Variants in NHLRC2 observed in about 807,000 individuals in gnomAD.
NHLRC2 encodes NHL repeat-containing protein 2.
In NHLRC2, 33 loss-of-function variants were observed where a neutral mutation model predicts 68.1. The ratio of observed to expected loss-of-function variants is 0.48; its 90% CI spans 0.37 to 0.65. The LOEUF is 0.65. Ranked by LOEUF, NHLRC2 falls within the 30% of genes least tolerant of loss-of-function variation. NHLRC2 has a pLI of 0.00. For missense variants in NHLRC2, 761 were observed against 853.8 expected (o/e 0.89, Z 1.35); for synonymous variants, 311 against 309.6 (o/e 1.00, Z -0.05).
At position 113,865,288 on chromosome 10, in the gene NHLRC2, C is replaced by G. The variant is rs117477265; in HGVS notation, c.331+6608C>G. Among the ~76,000 whole-genome samples the G allele has an allele frequency of 1.5e-3, 209 of 141,626 alleles. 3 individuals carry two copies. The East Asian group carries it at 0.032, about 22-fold the overall frequency. 92.9% of individuals were successfully genotyped at this position (141,626 alleles called of 152,430 possible). The stretch of plus-strand genomic sequence containing the variant: ...TTTAAAAATCGCTTTTCATCCCCCC[C>G]CCCCGTTCCTCTCACCATATAATAG... On this transcript the variant is annotated intron_variant, in intron 2 of 10. Transcript: ENST00000369301.
chr10:113,884,239 G>T lies in NHLRC2; in HGVS notation c.910-12G>T. 1 of 1,602,134 alleles carries T rather than the reference G, an allele frequency of 6.2e-7. No individual in the cohort carries two copies. Among genetic ancestry groups the T allele is most frequent in the South Asian group, 1.1e-5 (1 of 89,692 alleles). ...CATTCATTGCATAAAACCATCCTTT[G>T]AATTTCTATAGATTGACCTAGAAGC... On this transcript the variant is annotated splice_polypyrimidine_tract_variant and intron_variant, in intron 4 of 10. Transcript: ENST00000369301.
chr10:113,875,923 T>C (rs1241302669), intron 2 of NHLRC2, among the ~76,000 whole-genome samples: 2 of 152,094 alleles, frequency 1.3e-5, no homozygotes, highest in Non-Finnish European at 2.9e-5. Flanking sequence ...TTTTTTTTTT[T>C]TTTTGGTACT....
At position 113,867,192 on chromosome 10, in the gene NHLRC2, C is replaced by T. The variant is rs147092274; in HGVS notation, c.331+8512C>T. ...GTTCTAGGAATGGTGAAAACCCTCC[C>T]GAAATCTAAGCTCCCAGAAGCCAGG... On this transcript the variant is annotated intron_variant, in intron 2 of 10. Transcript: ENST00000369301. 2.6e-5 allele frequency among the ~76,000 whole-genome samples: 4 copies of T among 152,284 alleles called. No individual in the cohort carries two copies. The East Asian group carries it at 5.8e-4, about 22-fold the overall frequency.
At chr10:113,896,092 G>A (rs1352852250) in intron 5 of NHLRC2, among the ~76,000 whole-genome samples, 2 of 152,076 alleles carry the variant, frequency 1.3e-5, no homozygotes, top group Non-Finnish European at 2.9e-5. Context: ...TTCAACCATT[G>A]TGGAAGTCAG....
intron 10 of NHLRC2, 92 bp from the exon 11 acceptor site, chr10:113,908,188 A>G: frequency 1.1e-6 from 1 of 909,114 alleles, no homozygotes; most frequent in South Asian, 1.7e-5. Flanking sequence ...TTTAATAAAT[A>G]TTTGTCGATC....
chr10:113,879,678 A>C lies in NHLRC2; in HGVS notation c.892A>C (p.Asn298His). 1 of 1,508,380 alleles carries C rather than the reference A, an allele frequency of 6.6e-7. No homozygotes were observed. Among genetic ancestry groups the C allele is most frequent in the Non-Finnish European group, 9.1e-7 (1 of 1,104,932 alleles). The allele number at this position is 1,508,380 out of a possible 1,614,324, so 93.4% of individuals were successfully genotyped here. ...TATCATATATGTGGCAGACACTGAA[A>C]ACCACCTTATAAGAAAGGTAATTTT... ...NNIIYVADTE[N>H]HLIRKIDLEA... Residue 298 changes from asparagine to histidine, a missense_variant, in exon 4 of 11, where the codon AAC (asparagine) becomes CAC (histidine). Coordinates refer to ENST00000369301, the MANE Select transcript of NHLRC2 (RefSeq NM_198514.4).
chr10:113,901,968 G>A, intron 7 of NHLRC2, 71 bp downstream of exon 7: 1 of 1,095,580 alleles, frequency 9.1e-7, no homozygotes, highest in Non-Finnish European at 1.4e-6. Flanking sequence ...ATTATGGAAA[G>A]TTAATAAGAT....
rs558242040 is a variant in NHLRC2 at position 113,901,874 on chromosome 10, G to A, written c.1348G>A (p.Val450Ile). The change falls in exon 7 of 11, where the codon GTA becomes ATA. Residue 450 changes from valine to isoleucine, a missense_variant. Coordinates refer to ENST00000369301, the MANE Select transcript of NHLRC2 (RefSeq NM_198514.4). ...GAAAGATGGAGCAGTGAAGCACCTC[G>A]TAGGAGGAGAAAGAGACCCCATGGT... ...SLKDGAVKHL[V>I]GGERDPMNLF... The A allele has an allele frequency of 1.5e-5, 24 of 1,613,118 alleles. No individual in the cohort carries two copies. Among genetic ancestry groups the A allele is most frequent in the Middle Eastern group, 1.7e-4 (1 of 6,060 alleles).
Position 113,858,676 on chromosome 10 carries a change from T to C in NHLRC2, c.327T>C (p.Asp109=). 6.2e-7 allele frequency: 1 copy of C among 1,608,658 alleles called. No homozygotes were observed. The highest frequency in any genetic ancestry group is 8.5e-7 in the Non-Finnish European group (1 of 1,175,620). Residue 109 remains aspartate, a synonymous_variant, in exon 2 of 11, where the codon GAT becomes GAC. Coordinates refer to ENST00000369301, the MANE Select transcript of NHLRC2 (RefSeq NM_198514.4). ...DLHALEHTYS[D]KDGLLIIGVH... ...ATGCATTAGAACACACATACTCTGATAAAGGTATCTGCTCTTTAATTAGTT... is the reference window on the plus strand; with the variant it reads ...ATGCATTAGAACACACATACTCTGACAAAGGTATCTGCTCTTTAATTAGTT...
chr10:113,884,278 A>G lies in NHLRC2; in HGVS notation c.937A>G (p.Thr313Ala). The G allele has an allele frequency of 6.2e-7, 1 of 1,610,340 alleles. No individual in the cohort carries two copies. The highest frequency in any genetic ancestry group is 8.5e-7 in the Non-Finnish European group (1 of 1,177,136). ...TGACCTAGAAGCTGAGAAGGTGAGC[A>G]CTGTAGCTGGTATTGGAATTCAAGG... ...KIDLEAEKVS[T>A]VAGIGIQGTD... Residue 313 changes from threonine to alanine, a missense_variant, in exon 5 of 11, where the codon ACT (threonine) becomes GCT (alanine). By Grantham distance (58) the Thr-to-Ala change is moderately conservative. Coordinates refer to ENST00000369301, the MANE Select transcript of NHLRC2 (RefSeq NM_198514.4).
chr10:113,861,205 T>TG (rs1845813145), intron 2 of NHLRC2, among the ~76,000 whole-genome samples: 1 of 152,124 alleles, frequency 6.6e-6, no homozygotes, highest in Admixed American at 6.5e-5. Context: ...TAAAGGACCT[T>TG]GGAACACCAT....
chr10:113,868,029 C>G (rs898658616), intron 2 of NHLRC2, among the ~76,000 whole-genome samples: 1 of 152,106 alleles, frequency 6.6e-6, no homozygotes, highest in African/African-American at 2.4e-5. Context: ...CACTCTGTTG[C>G]CTGGGCTGGA....
chr10:113,915,404 G>T lies in NHLRC2; in HGVS notation c.*6868G>T. On this transcript the variant is annotated 3_prime_UTR_variant, in exon 11 of 11. Coordinates refer to ENST00000369301, the MANE Select transcript of NHLRC2 (RefSeq NM_198514.4). ...TTAAGCAGCAACTTACCACAGGCTT[G>T]GTGGCTTTAAGTAATATAGCATTAA... The T allele has an allele frequency of 2.7e-6, 1 of 366,796 alleles. No individual in the cohort carries two copies. Among genetic ancestry groups the T allele is most frequent in the Non-Finnish European group, 5.4e-6 (1 of 186,862 alleles). 22.7% of individuals were successfully genotyped at this position (366,796 alleles called of 1,614,324 possible).
rs1157504064 is a variant in NHLRC2, at chr10:113,902,531, C to CT, written c.1434dup (p.Gly479TrpfsTer22). 1 of 1,607,084 alleles carries CT rather than the reference C, an allele frequency of 6.2e-7. No homozygotes were observed. Among genetic ancestry groups the CT allele is most frequent in the Non-Finnish European group, 8.5e-7 (1 of 1,175,358 alleles). On this transcript the variant is annotated frameshift_variant, in exon 8 of 11. Coordinates refer to ENST00000369301, the MANE Select transcript of NHLRC2 (RefSeq NM_198514.4). LOFTEE classifies it high-confidence loss of function. The stretch of plus-strand genomic sequence containing the variant: ...AATCAATGCAAAGCTTCAACACCCC[C>CT]TTGGAGTAACATGGGACAAAAAAAG...
chr10:113,865,097 T>C (rs748332236), intron 2 of NHLRC2, among the ~76,000 whole-genome samples: 7 of 151,598 alleles, frequency 4.6e-5, no homozygotes, highest in Admixed American at 1.3e-4. Context: ...CTACAGGCGC[T>C]CCTCACCACG....
Position 113,855,020 on chromosome 10 carries a change from C to G in NHLRC2, c.148C>G (p.Gln50Glu), listed in dbSNP as rs1425674152. 1.9e-6 allele frequency: 3 copies of G among 1,552,830 alleles called. No homozygotes were observed. The highest frequency in any genetic ancestry group is 2.6e-6 in the Non-Finnish European group (3 of 1,147,628). Residue 50 changes from glutamine to glutamate, a missense_variant, in exon 1 of 11, where the codon CAG becomes GAG. Physicochemically the swap from Gln to Glu is conservative, Grantham distance 29. Coordinates refer to ENST00000369301, the MANE Select transcript of NHLRC2 (RefSeq NM_198514.4). ...TCTGCAGAAGGTGGACGGCTGGGAG[C>G]AGGACTTGTCAGTACCCGAGTTTCC... ...QYLQKVDGWE[Q>E]DLSVPEFPEG...
chr10:113,910,157 A>G lies in NHLRC2; in HGVS notation c.*1621A>G, dbSNP rs545591681. 2.6e-5 allele frequency: 4 copies of G among 152,296 alleles called. No individual in the cohort carries two copies. Among genetic ancestry groups the G allele is most frequent in the East Asian group, 3.9e-4 (2 of 5,188 alleles). 9.4% of individuals were successfully genotyped at this position (152,296 alleles called of 1,614,324 possible). A position where few individuals can be genotyped will look rare whatever the true frequency, so the allele number is the denominator to read the frequency against. On this transcript the variant is annotated 3_prime_UTR_variant, in exon 11 of 11. Transcript: ENST00000369301. ...CAAAAAAATGAAATGTTCTGTAATA[A>G]AAGGGTGTATAACATACTCTCTTTT...
intron 2 of NHLRC2, among the ~76,000 whole-genome samples, chr10:113,871,860 C>T (rs531614991): frequency 1.4e-4 from 21 of 152,158 alleles, no homozygotes; most frequent in Non-Finnish European, 2.9e-4. Context: ...CAGAGAATAT[C>T]ATGGCCTTGA....
intron 1 of NHLRC2, among the ~76,000 whole-genome samples, chr10:113,855,791 G>A (rs2134681515): frequency 6.6e-6 from 1 of 152,240 alleles, no homozygotes; most frequent in East Asian, 1.9e-4. Context: ...GAGCCACCGC[G>A]CCCGGCCTGC....
Sources: gnomAD v4.1 joint callset for allele counts (sites outside exome capture counted in the v4.1 genomes callset) on GRCh38, gnomAD v4.1.1 for gene constraint, MANE v1.5 for transcripts, NCBI Gene and HGNC (gene_info 2026-07-23, HGNC 2026-07-21) for gene names.